FOXN2: variants seen among roughly 807,000 people sequenced by gnomAD.
The protein encoded by FOXN2 is forkhead box protein N2.
FOXN2 carries 19 observed loss-of-function variants against 41.2 expected under a neutral mutation model. The observed-to-expected ratio is 0.46, with a 90% CI of 0.32 to 0.68. FOXN2 has a LOEUF of 0.68. FOXN2 is among the 30% of genes least tolerant of loss of function. The probability of loss-of-function intolerance (pLI) is 0.03; values close to 1 mark genes in which losing one functional copy is unlikely to be tolerated. For synonymous variants in FOXN2, 195 were observed against 176.8 expected (o/e 1.10, Z -0.82); for missense variants, 587 against 509.4 (o/e 1.15, Z -1.47).
At chr2:48,319,964 T>C (rs1257098593) in intron 1 of FOXN2, among the ~76,000 whole-genome samples, 5 of 151,630 alleles carry the variant, frequency 3.3e-5, no homozygotes, top group Non-Finnish European at 7.4e-5. Flanking sequence ...TTATACAGGG[T>C]TAGTGTGGTT....
chr2:48,376,974 A>G lies in FOXN2; in HGVS notation c.*1531A>G, dbSNP rs1673295319. 6.6e-6 allele frequency: 1 copy of G among 152,264 alleles called. No individual in the cohort carries two copies. Among genetic ancestry groups the G allele is most frequent in the South Asian group, 2.1e-4 (1 of 4,822 alleles). 9.4% of individuals were successfully genotyped at this position (152,264 alleles called of 1,614,324 possible). ...GATTATAAAGCATTTTTTAAGAGAC[A>G]AATTTTAACTTTTAATTTTTATTTT... is the stretch of plus-strand genomic sequence containing the variant. On this transcript the variant is annotated 3_prime_UTR_variant, in exon 7 of 7. Coordinates refer to ENST00000340553, the MANE Select transcript of FOXN2 (RefSeq NM_002158.4).
At chr2:48,350,767 T>TG (rs1449838223) in intron 3 of FOXN2, among the ~76,000 whole-genome samples, 2 of 152,224 alleles carry the variant, frequency 1.3e-5, no homozygotes, top group Non-Finnish European at 2.9e-5. Context: ...CCTAGCCTAG[T>TG]GGAGGCAGAC....
intron 2 of FOXN2, 142 bp from the exon 3 acceptor site, chr2:48,346,059 A>T: frequency 3.0e-6 from 2 of 663,656 alleles, no homozygotes; most frequent in Non-Finnish European, 5.1e-6. Context: ...TATCTTCATT[A>T]TACAAATGTT....
At chr2:48,371,058 C>T (rs894839462) in intron 5 of FOXN2, among the ~76,000 whole-genome samples, 1 of 152,116 alleles carries the variant, frequency 6.6e-6, no homozygotes, top group Non-Finnish European at 1.5e-5. Context: ...AAGAAACTGT[C>T]TTTCCCCCAG....
chr2:48,343,535 G>T (rs553161213), intron 2 of FOXN2, among the ~76,000 whole-genome samples: 4 of 152,258 alleles, frequency 2.6e-5, no homozygotes, highest in Admixed American at 1.3e-4. Context: ...GAGGCAGGAG[G>T]ATTGCTTGAG....
At chr2:48,369,376 A>G (rs895052325) in intron 5 of FOXN2, among the ~76,000 whole-genome samples, 59 of 152,096 alleles carry the variant, frequency 3.9e-4, no homozygotes, top group African/African-American at 1.4e-3. Flanking sequence ...CATCTCTACT[A>G]AAAATACAAA....
intron 2 of FOXN2, among the ~76,000 whole-genome samples, chr2:48,340,306 G>A (rs1165932348): frequency 1.3e-5 from 2 of 152,082 alleles, no homozygotes; most frequent in South Asian, 4.1e-4. Context: ...CTTTTCTTAT[G>A]TAGTCTCTGA....
intron 4 of FOXN2, among the ~76,000 whole-genome samples, chr2:48,359,549 C>T (rs541113209): frequency 2.5e-4 from 38 of 152,198 alleles, no homozygotes; most frequent in African/African-American, 8.2e-4. Flanking sequence ...CCACCTCTGC[C>T]TCCCAAAGTG....
At position 48,345,941 on chromosome 2, in the gene FOXN2, C is replaced by T. The variant is rs137911500; in HGVS notation, c.-14-260C>T. On this transcript the variant is annotated intron_variant, in intron 2 of 6. Transcript: ENST00000340553. ...TACTTTACTAAGTATTTAAAATACA[C>T]TATTTAATTGTGTTAATATCACCCA... Among the ~76,000 whole-genome samples, 52 of 152,224 alleles carry T rather than the reference C, an allele frequency of 3.4e-4. 1 individual carries two copies. The highest frequency in any genetic ancestry group is 1.1e-3 in the African/African-American group (47 of 41,532).
At chr2:48,363,152 G>A (rs996130983) in intron 5 of FOXN2, among the ~76,000 whole-genome samples, 1 of 152,110 alleles carries the variant, frequency 6.6e-6, no homozygotes, top group Non-Finnish European at 1.5e-5. Flanking sequence ...TGTCCCTAAA[G>A]ACCTTCCAGT....
intron 5 of FOXN2, among the ~76,000 whole-genome samples, chr2:48,371,521 A>G (rs146008275): frequency 1.6e-4 from 25 of 152,138 alleles, no homozygotes; most frequent in African/African-American, 5.5e-4. Flanking sequence ...GCTTTGTAGT[A>G]TATTTTGAGG....
At chr2:48,333,051 GCCT>G (rs1263514878) in intron 2 of FOXN2, among the ~76,000 whole-genome samples, 2 of 151,678 alleles carry the variant, frequency 1.3e-5, no homozygotes, top group Non-Finnish European at 2.9e-5. Flanking sequence ...CAAATATATT[GCCT>G]CCTCAAGTTT....
Position 48,375,387 on chromosome 2 carries a change from T to G in FOXN2, c.1240T>G (p.Leu414Val). 6.2e-7 allele frequency: 1 copy of G among 1,613,652 alleles called. No homozygotes were observed. The highest frequency in any genetic ancestry group is 8.5e-7 in the Non-Finnish European group (1 of 1,179,878). Residue 414 changes from leucine (L) to valine (V), a missense_variant, in exon 7 of 7, where the codon TTA becomes GTA. Physicochemically the swap from Leu to Val is conservative, Grantham distance 32. Transcript: ENST00000340553. ...CCACCTTGCTGGAATTCGTACATGT[T>G]TAGGTTCCCTAATAAGTACTGCAAA... ...LLHLAGIRTC[L>V]GSLISTAKTQ... is the part of the protein sequence containing the mutation.
At chr2:48,317,379 G>A (rs1668990113) in intron 1 of FOXN2, among the ~76,000 whole-genome samples, 1 of 151,518 alleles carries the variant, frequency 6.6e-6, no homozygotes, top group Admixed American at 6.6e-5. Flanking sequence ...AACCTAGGAG[G>A]TGAAGGTTGT....
intron 3 of FOXN2, 25 bp from the exon 4 acceptor site, chr2:48,359,022 G>A (rs1405467218): frequency 6.4e-7 from 1 of 1,557,574 alleles, no homozygotes; most frequent in East Asian, 2.2e-5. Context: ...AAAGTTCCTA[G>A]TTATTCTTGT....
chr2:48,372,741 C>G (rs1216022661), intron 5 of FOXN2, among the ~76,000 whole-genome samples: 1 of 152,024 alleles, frequency 6.6e-6, no homozygotes, highest in East Asian at 1.9e-4. Flanking sequence ...TGTGTATAAT[C>G]ATGACTAAAA....
At chr2:48,345,000 T>C (rs1291258674) in intron 2 of FOXN2, among the ~76,000 whole-genome samples, 2 of 152,270 alleles carry the variant, frequency 1.3e-5, no homozygotes, top group African/African-American at 4.8e-5. Flanking sequence ...TCTGTTATTG[T>C]CTCATGATAA....
chr2:48,348,782 G>A (rs988755621), intron 3 of FOXN2, among the ~76,000 whole-genome samples: 4 of 152,350 alleles, frequency 2.6e-5, no homozygotes, highest in African/African-American at 4.8e-5. Context: ...GAGGCCTGGA[G>A]CAATAGATGA....
At chr2:48,351,346 T>C (rs760909747) in intron 3 of FOXN2, among the ~76,000 whole-genome samples, 2 of 152,208 alleles carry the variant, frequency 1.3e-5, no homozygotes, top group Non-Finnish European at 2.9e-5. Context: ...GGTGAGATGG[T>C]TCCTGGCGTG....
Sources: gnomAD v4.1 joint callset for allele counts (sites outside exome capture counted in the v4.1 genomes callset) on GRCh38, gnomAD v4.1.1 for gene constraint, MANE v1.5 for transcripts, NCBI Gene and HGNC (gene_info 2026-07-23, HGNC 2026-07-21) for gene names.